Variants in NET1 observed in about 807,000 individuals in gnomAD.
NET1 encodes neuroepithelial cell transforming 1, also known as neuroepithelial cell-transforming gene 1 protein.
Under a neutral mutation model 61.1 loss-of-function variants are expected in NET1, and 42 were observed. That is an observed-to-expected ratio of 0.69 (90% CI 0.54 to 0.89). The LOEUF is 0.89. Among genes scored for constraint, NET1 ranks in the 40% least tolerant of loss-of-function variants. The pLI is 0.00. For missense variants in NET1, 654 were observed against 747.3 expected (o/e 0.88, Z 1.46); for synonymous variants, 254 against 281.8 (o/e 0.90, Z 0.99).
rs968996280 is a variant in NET1, at chr10:5,443,341, T to C, written c.256-8489T>C. 2.0e-5 allele frequency among the ~76,000 whole-genome samples: 3 copies of C among 152,204 alleles called. No individual in the cohort carries two copies. The highest frequency in any genetic ancestry group is 2.9e-5 in the Non-Finnish European group (2 of 68,024). On this transcript the variant is annotated intron_variant, in intron 3 of 11. Transcript: ENST00000355029. This position sits in a 1 kb window ranked among gnomAD's most constrained non-coding sequence, Gnocchi z 4.8. The stretch of plus-strand genomic sequence containing the variant: ...AAGTACTTCATAGAGTTGATTAAGA[T>C]AACATGTATAAAGCTCTAGCACAAA...
In NET1 at chr10:5,456,436, A is replaced by G. The variant is rs1026848676; in HGVS notation, c.1385-152A>G. The G allele has an allele frequency of 7.9e-6, 8 of 1,008,358 alleles. No individual in the cohort carries two copies. Among genetic ancestry groups the G allele is most frequent in the East Asian group, 7.9e-5 (3 of 38,082 alleles). The allele number at this position is 1,008,358 out of a possible 1,614,324, so 62.5% of individuals were successfully genotyped here. A position where few individuals can be genotyped will look rare whatever the true frequency, so the allele number is the denominator to read the frequency against. ...TCCCAGCTCGAACACCCGCAGGTGT[A>G]TCTAAGAAATAATGCATAGGCTTAA... On this transcript the variant is annotated intron_variant, in intron 11 of 11. Coordinates refer to ENST00000355029, the MANE Select transcript of NET1 (RefSeq NM_001047160.3). The surrounding 1 kb of genome is among the most constrained non-coding windows in gnomAD (Gnocchi z 7.0).
intron 2 of NET1, 104 bp from the exon 3 acceptor site, chr10:5,429,066 G>A: frequency 2.4e-6 from 2 of 847,660 alleles, no homozygotes; most frequent in South Asian, 3.6e-5. Flanking sequence ...ATAGCCAAAG[G>A]CTTAACTTTT....
chr10:5,424,981 G>A lies in NET1; in HGVS notation c.129-1674G>A, dbSNP rs1050707236. Among the ~76,000 whole-genome samples, 2 of 152,190 alleles carry A rather than the reference G, an allele frequency of 1.3e-5. No homozygotes were observed. The highest frequency in any genetic ancestry group is 2.9e-5 in the Non-Finnish European group (2 of 68,046). On this transcript the variant is annotated intron_variant, in intron 1 of 11. Coordinates refer to ENST00000355029, the MANE Select transcript of NET1 (RefSeq NM_001047160.3). This position sits in a 1 kb window ranked among gnomAD's most constrained non-coding sequence, Gnocchi z 6.1. ...TCACGTTACTTAAGATTCAATGGCTGCCACACATACTCAAGATCAAGGCCA... is the reference window on the plus strand; with the variant it reads ...TCACGTTACTTAAGATTCAATGGCTACCACACATACTCAAGATCAAGGCCA...
In NET1 at chr10:5,416,367, G is replaced by T. The variant is rs1223444328; in HGVS notation, c.128+3547G>T. On this transcript the variant is annotated intron_variant, in intron 1 of 11. Transcript: ENST00000355029. The surrounding 1 kb of genome is among the most constrained non-coding windows in gnomAD (Gnocchi z 6.1). Reference sequence around the variant, plus strand: ...TTGTTCTTTTTTTCCCAAGATTGTTGTGGCTATCCTGGGTCTCCTGCAATT... The same window carrying T: ...TTGTTCTTTTTTTCCCAAGATTGTTTTGGCTATCCTGGGTCTCCTGCAATT... Among the ~76,000 whole-genome samples the T allele has an allele frequency of 6.6e-6, 1 of 152,108 alleles. No homozygotes were observed. Among genetic ancestry groups the T allele is most frequent in the African/African-American group, 2.4e-5 (1 of 41,428 alleles).
At chr10:5,445,704 T>C (rs995681933) in intron 3 of NET1, among the ~76,000 whole-genome samples, 2 of 152,216 alleles carry the variant, frequency 1.3e-5, no homozygotes, top group African/African-American at 4.8e-5. Flanking sequence ...GGAAAAGACT[T>C]AGGCTAGAAA....
Position 5,423,632 on chromosome 10 carries a change from G to A in NET1, c.129-3023G>A, listed in dbSNP as rs903932780. On this transcript the variant is annotated intron_variant, in intron 1 of 11. Transcript: ENST00000355029. The surrounding 1 kb of genome is among the most constrained non-coding windows in gnomAD (Gnocchi z 4.4). The stretch of plus-strand genomic sequence containing the variant: ...ATTGGATATATGGACAAAAATTCTT[G>A]AAAAGGTGGACTGCCACTTTTCGCT... Among the ~76,000 whole-genome samples, 2 of 152,136 alleles carry A rather than the reference G, an allele frequency of 1.3e-5. No homozygotes were observed. The highest frequency in any genetic ancestry group is 1.3e-4 in the Admixed American group (2 of 15,280).
intron 3 of NET1, among the ~76,000 whole-genome samples, chr10:5,450,211 A>G (rs1030447116): frequency 6.6e-6 from 1 of 152,160 alleles, no homozygotes; most frequent in Non-Finnish European, 1.5e-5. Flanking sequence ...ATTATTTGGT[A>G]TGAGGGGTTG....
At chr10:5,430,376 C>CT (rs34200273) in intron 3 of NET1, among the ~76,000 whole-genome samples, 37,083 of 139,816 alleles carry the variant, frequency 0.27, 5,059 homozygotes, top group Non-Finnish European at 0.29. Flanking sequence ...TAGATAAAAA[C>CT]TTTTTTTTTT....
chr10:5,426,275 T>A lies in NET1; in HGVS notation c.129-380T>A, dbSNP rs932325618. 2.0e-5 allele frequency among the ~76,000 whole-genome samples: 3 copies of A among 152,204 alleles called. No individual in the cohort carries two copies. The highest frequency in any genetic ancestry group is 2.0e-4 in the Admixed American group (3 of 15,284). ...TTTTTTAAAATACTATACGTGAATA[T>A]GTTGCTAAATTTTTTGCACTTAGGA... On this transcript the variant is annotated intron_variant, in intron 1 of 11. Transcript: ENST00000355029. This position sits in a 1 kb window ranked among gnomAD's most constrained non-coding sequence, Gnocchi z 4.6.
intron 3 of NET1, among the ~76,000 whole-genome samples, chr10:5,442,269 T>C (rs1832533484): frequency 6.6e-6 from 1 of 152,124 alleles, no homozygotes; most frequent in Non-Finnish European, 1.5e-5. Context: ...AGCAGAGAGC[T>C]TAGATTTTGT....
At chr10:5,428,674 A>ATCTATTCC (rs1385193739) in intron 2 of NET1, among the ~76,000 whole-genome samples, 18 of 151,848 alleles carry the variant, frequency 1.2e-4, no homozygotes, top group South Asian at 2.1e-4. Context: ...TTCAGATAGT[A>ATCTATTCC]TCTATTCCAA....
Position 5,412,841 on chromosome 10 carries a change from G to A in NET1, c.128+21G>A. On this transcript the variant is annotated intron_variant, in intron 1 of 11. Transcript: ENST00000355029. This position sits in a 1 kb window ranked among gnomAD's most constrained non-coding sequence, Gnocchi z 6.5. Reference sequence around the variant, plus strand: ...GGGAGGTGAGTGTGGGGGAGGGGAGGGCCGAACGGGAGGTGAGTGTAGGGG... The same window carrying A: ...GGGAGGTGAGTGTGGGGGAGGGGAGAGCCGAACGGGAGGTGAGTGTAGGGG... The A allele has an allele frequency of 2.2e-6, 3 of 1,347,406 alleles. No homozygotes were observed. The highest frequency in any genetic ancestry group is 3.7e-5 in the Admixed American group (1 of 26,680). 83.5% of individuals were successfully genotyped at this position (1,347,406 alleles called of 1,614,324 possible). A position where few individuals can be genotyped will look rare whatever the true frequency, so the allele number is the denominator to read the frequency against.
In NET1 at chr10:5,451,971, C is replaced by T. The variant is rs376373574; in HGVS notation, c.363+34C>T. The stretch of plus-strand genomic sequence containing the variant: ...AGAGGAGGAAGAGTAATGTAGTCAG[C>T]GGACTTTATAGAAGCCTGGAATTTG... On this transcript the variant is annotated intron_variant, in intron 4 of 11. Coordinates refer to ENST00000355029, the MANE Select transcript of NET1 (RefSeq NM_001047160.3). This position sits in a 1 kb window ranked among gnomAD's most constrained non-coding sequence, Gnocchi z 6.1. 1.9e-5 allele frequency: 29 copies of T among 1,514,710 alleles called. No individual in the cohort carries two copies. The highest frequency in any genetic ancestry group is 1.4e-4 in the Admixed American group (8 of 58,796). The allele number at this position is 1,514,710 out of a possible 1,614,324, so 93.8% of individuals were successfully genotyped here.
chr10:5,440,120 C>CT lies in NET1; in HGVS notation c.255+10893dup, dbSNP rs1174327445. Among the ~76,000 whole-genome samples, 1 of 152,236 alleles carries CT rather than the reference C, an allele frequency of 6.6e-6. No individual in the cohort carries two copies. The highest frequency in any genetic ancestry group is 1.9e-4 in the East Asian group (1 of 5,204). ...ACTGGGATATCCAAAATACTTTCCACTTCCTATTCACCAGGTCTTTTTGGT... is the reference window on the plus strand; with the variant it reads ...ACTGGGATATCCAAAATACTTTCCACTTTCCTATTCACCAGGTCTTTTTGGT... On this transcript the variant is annotated intron_variant, in intron 3 of 11. Coordinates refer to ENST00000355029, the MANE Select transcript of NET1 (RefSeq NM_001047160.3). This position sits in a 1 kb window ranked among gnomAD's most constrained non-coding sequence, Gnocchi z 4.1.
Position 5,431,837 on chromosome 10 carries a change from C to T in NET1, c.255+2608C>T, listed in dbSNP as rs1429523609. Among the ~76,000 whole-genome samples, 1 of 152,122 alleles carries T rather than the reference C, an allele frequency of 6.6e-6. No individual in the cohort carries two copies. The highest frequency in any genetic ancestry group is 2.4e-5 in the African/African-American group (1 of 41,412). ...CAGGAAGGCCTCAAATTCCTAGTCT[C>T]AAGCAGTGCTCCTACCTCGGCCTCC... On this transcript the variant is annotated intron_variant, in intron 3 of 11. Transcript: ENST00000355029. The surrounding 1 kb of genome is among the most constrained non-coding windows in gnomAD (Gnocchi z 4.9).
chr10:5,420,684 C>T lies in NET1; in HGVS notation c.129-5971C>T, dbSNP rs1195100283. Among the ~76,000 whole-genome samples, 1 of 152,166 alleles carries T rather than the reference C, an allele frequency of 6.6e-6. No homozygotes were observed. Among genetic ancestry groups the T allele is most frequent in the Non-Finnish European group, 1.5e-5 (1 of 68,036 alleles). On this transcript the variant is annotated intron_variant, in intron 1 of 11. Transcript: ENST00000355029. The surrounding 1 kb of genome is among the most constrained non-coding windows in gnomAD (Gnocchi z 5.3). The stretch of plus-strand genomic sequence containing the variant: ...GATCTCGGCTCACTGTAGCCTCCGA[C>T]TCCCTGGTTCAAGTGATCCTCCTTC...
rs758032740 is a variant in NET1, at chr10:5,451,918, G to A, written c.344G>A (p.Arg115His). The A allele has an allele frequency of 7.4e-6, 12 of 1,613,508 alleles. No homozygotes were observed. The East Asian group carries it at 8.9e-5, about 12-fold the overall frequency. Residue 115 changes from arginine to histidine, a missense_variant, in exon 4 of 12, where the codon CGT becomes CAT. By Grantham distance (29) the Arg-to-His change is conservative. Transcript: ENST00000355029. The surrounding 1 kb of genome is among the most constrained non-coding windows in gnomAD (Gnocchi z 6.1). ...CCTGTAAGAAATGGAGCTGTCAGAC[G>A]TTTTGGTCAAACAATACAGGTAAAA... Reference protein sequence around the residue: ...ISPVRNGAVRRFGQTIQSFTL... With the variant: ...ISPVRNGAVRHFGQTIQSFTL...
chr10:5,422,926 C>A lies in NET1; in HGVS notation c.129-3729C>A, dbSNP rs1342700977. Reference sequence around the variant, plus strand: ...AATTGAGAACCTCAGTTGCTTGGCACACCCCAAATGTAAAAAGTGTTAACT... The same window carrying A: ...AATTGAGAACCTCAGTTGCTTGGCAAACCCCAAATGTAAAAAGTGTTAACT... On this transcript the variant is annotated intron_variant, in intron 1 of 11. Transcript: ENST00000355029. The surrounding 1 kb of genome is among the most constrained non-coding windows in gnomAD (Gnocchi z 4.1). Among the ~76,000 whole-genome samples the A allele has an allele frequency of 6.6e-6, 1 of 152,194 alleles. No homozygotes were observed. The highest frequency in any genetic ancestry group is 2.1e-4 in the South Asian group (1 of 4,830).
intron 3 of NET1, among the ~76,000 whole-genome samples, chr10:5,442,813 G>A (rs571400605): frequency 1.3e-5 from 2 of 150,788 alleles, no homozygotes; most frequent in South Asian, 4.2e-4. Flanking sequence ...GGAGGCAGAG[G>A]TTGCAGTGAG....
Sources: allele counts gnomAD v4.1 joint callset (sites outside exome capture counted in the v4.1 genomes callset), GRCh38; gene constraint gnomAD v4.1.1; non-coding constraint Gnocchi (gnomAD v3.1); transcripts MANE v1.5; gene names NCBI Gene and HGNC (gene_info 2026-07-23, HGNC 2026-07-21).